Variants in CADM1 observed in about 807,000 individuals in gnomAD.
CADM1 encodes cell adhesion molecule 1.
Under a neutral mutation model 53.1 loss-of-function variants are expected in CADM1, and 15 were observed. The ratio of observed to expected loss-of-function variants is 0.28; its 90% CI spans 0.19 to 0.44. The LOEUF (loss-of-function observed/expected upper bound fraction) is 0.44, where lower values mean the gene tolerates loss of function less well. CADM1 is among the 20% of genes least tolerant of loss of function. The probability of loss-of-function intolerance (pLI) is 1.00; values close to 1 mark genes in which losing one functional copy is unlikely to be tolerated. For synonymous variants in CADM1, 281 were observed against 243.0 expected, an observed-to-expected ratio of 1.16 and a Z score of -1.45; for missense variants, 434 against 611.3, an observed-to-expected ratio of 0.71 and a Z score of 3.06.
Position 115,176,123 on chromosome 11 carries a change from T to G in CADM1, c.*351A>C. 9.0e-7 allele frequency: 1 copy of G among 1,116,064 alleles called. No homozygotes were observed. The highest frequency in any genetic ancestry group is 1.1e-6 in the Non-Finnish European group (1 of 906,732). 69.1% of individuals were successfully genotyped at this position (1,116,064 alleles called of 1,614,324 possible). A position where few individuals can be genotyped will look rare whatever the true frequency, so the allele number is the denominator to read the frequency against. ...CCGAAATTGGGGTAGAGGGAGGAAA[T>G]AAATGTGCACAAAGGGGGAAAAGAA... On this transcript the variant is annotated 3_prime_UTR_variant, in exon 12 of 12. Transcript: ENST00000331581.
At chr11:115,468,174 T>G (rs2135385873) in intron 1 of CADM1, among the ~76,000 whole-genome samples, 1 of 152,362 alleles carries the variant, frequency 6.6e-6, no homozygotes, top group African/African-American at 2.4e-5. Flanking sequence ...TTACCAAAAT[T>G]TTATTTAACA....
intron 1 of CADM1, among the ~76,000 whole-genome samples, chr11:115,328,715 T>TACAC (rs1464724518): frequency 9.1e-5 from 5 of 54,766 alleles, no homozygotes; most frequent in African/African-American, 3.1e-4. Context: ...TATATATATG[T>TACAC]GTATATATAT....
At chr11:115,384,662 G>GA (rs1565399148) in intron 1 of CADM1, among the ~76,000 whole-genome samples, 1 of 152,138 alleles carries the variant, frequency 6.6e-6, no homozygotes, top group African/African-American at 2.4e-5. Flanking sequence ...ATTGGACAAG[G>GA]AAAAAATATA....
At chr11:115,208,084 G>A (rs1477333625) in intron 8 of CADM1, among the ~76,000 whole-genome samples, 1 of 152,176 alleles carries the variant, frequency 6.6e-6, no homozygotes, top group African/African-American at 2.4e-5. Context: ...AACAAACTGA[G>A]TTTACTTAAG....
chr11:115,231,302 T>C (rs753250226), intron 4 of CADM1, 51 bp downstream of exon 4: 1 of 1,598,012 alleles, frequency 6.3e-7, no homozygotes, highest in Non-Finnish European at 8.6e-7. Context: ...CACAAAGGCA[T>C]ATCTGCTAGA....
At chr11:115,373,126 C>A (rs1946349335) in intron 1 of CADM1, among the ~76,000 whole-genome samples, 1 of 152,160 alleles carries the variant, frequency 6.6e-6, no homozygotes, top group African/African-American at 2.4e-5. Flanking sequence ...TTGGGCAGAG[C>A]CTTAGTTGTG....
At chr11:115,415,303 A>G (rs1947565044) in intron 1 of CADM1, among the ~76,000 whole-genome samples, 1 of 12,822 alleles carries the variant, frequency 7.8e-5, no homozygotes, top group African/African-American at 3.3e-4. Flanking sequence ...TAAATTCATC[A>G]CCCTTTCTCT....
intron 1 of CADM1, among the ~76,000 whole-genome samples, chr11:115,329,877 C>T (rs1400907629): frequency 6.6e-6 from 1 of 151,408 alleles, no homozygotes; most frequent in African/African-American, 2.4e-5. Flanking sequence ...CATGGACCAT[C>T]TCCTCTCCAG....
chr11:115,397,103 C>T (rs888265248), intron 1 of CADM1: 1 of 152,056 alleles, frequency 6.6e-6, no homozygotes, highest in Non-Finnish European at 1.5e-5. Context: ...TAGGTTGATG[C>T]ATTTATCTCA....
At chr11:115,190,626 G>A in intron 10 of CADM1, 1 of 449,846 alleles carries the variant, frequency 2.2e-6, no homozygotes, top group East Asian at 3.3e-5. Context: ...CTGAACAGAG[G>A]GGCTTTAGTA....
chr11:115,237,357 C>T (rs960289902), intron 3 of CADM1, among the ~76,000 whole-genome samples: 6 of 152,144 alleles, frequency 3.9e-5, no homozygotes, highest in Non-Finnish European at 5.9e-5. Context: ...GTTTTAAACA[C>T]ATCTTTCTAA....
chr11:115,325,551 A>T (rs1412879580), intron 1 of CADM1, among the ~76,000 whole-genome samples: 1 of 152,222 alleles, frequency 6.6e-6, no homozygotes, highest in African/African-American at 2.4e-5. Flanking sequence ...TAAAATTTTT[A>T]AACAACAGCA....
intron 1 of CADM1, among the ~76,000 whole-genome samples, chr11:115,284,272 T>G (rs1467657053): frequency 6.6e-6 from 1 of 151,964 alleles, no homozygotes; most frequent in African/African-American, 2.4e-5. Flanking sequence ...GATCCAGTAT[T>G]ACATTATTAC....
chr11:115,384,060 T>A (rs1263607967), intron 1 of CADM1, among the ~76,000 whole-genome samples: 2 of 152,186 alleles, frequency 1.3e-5, no homozygotes, highest in African/African-American at 4.8e-5. Flanking sequence ...GCCATCAATA[T>A]GGCTATTCTA....
chr11:115,334,454 G>A (rs1163363893), intron 1 of CADM1, among the ~76,000 whole-genome samples: 2 of 145,748 alleles, frequency 1.4e-5, no homozygotes, highest in South Asian at 4.3e-4. Flanking sequence ...AAATTGATGA[G>A]TACAGTACTC....
chr11:115,258,521 A>G (rs1942865829), intron 1 of CADM1, among the ~76,000 whole-genome samples: 1 of 152,128 alleles, frequency 6.6e-6, no homozygotes, highest in African/African-American at 2.4e-5. Flanking sequence ...CTGTTTCCCG[A>G]CCTACTCCAG....
At chr11:115,363,053 A>G (rs1386124245) in intron 1 of CADM1, among the ~76,000 whole-genome samples, 1 of 152,182 alleles carries the variant, frequency 6.6e-6, no homozygotes, top group Non-Finnish European at 1.5e-5. Flanking sequence ...AACAAAAAAA[A>G]TCACAGATTC....
rs12280344 is a variant in CADM1, at chr11:115,444,006, A to G, written c.124+60265T>C. ...CTAATAAATCACATTCTGAAATCCAAATTAACATAGTCTGTAATCAACATT... is the reference window on the plus strand; with the variant it reads ...CTAATAAATCACATTCTGAAATCCAGATTAACATAGTCTGTAATCAACATT... On this transcript the variant is annotated intron_variant, in intron 1 of 11. Coordinates refer to ENST00000331581, the MANE Select transcript of CADM1 (RefSeq NM_001301043.2). Among the ~76,000 whole-genome samples, 777 of 152,300 alleles carry G rather than the reference A, an allele frequency of 5.1e-3. 6 individuals are homozygous for G. Among genetic ancestry groups the G allele is most frequent in the African/African-American group, 0.018 (746 of 41,564 alleles).
intron 1 of CADM1, among the ~76,000 whole-genome samples, chr11:115,498,289 A>G (rs983083215): frequency 1.1e-4 from 17 of 152,246 alleles, no homozygotes; most frequent in African/African-American, 4.1e-4. Flanking sequence ...ATTAGCACTT[A>G]GCCAGTTCGA....
Sources: allele counts gnomAD v4.1 joint callset (sites outside exome capture counted in the v4.1 genomes callset), GRCh38; gene constraint gnomAD v4.1.1; transcripts MANE v1.5; gene names NCBI Gene and HGNC (gene_info 2026-07-23, HGNC 2026-07-21).